The following PDE4D variants were observed in gnomAD, a reference collection of about 807,000 sequenced individuals.
PDE4D encodes the protein 3',5'-cyclic-AMP phosphodiesterase 4D.
PDE4D carries 24 observed loss-of-function variants against 87.4 expected under a neutral mutation model. That is an observed-to-expected ratio of 0.27 (90% CI 0.20 to 0.39). The LOEUF (loss-of-function observed/expected upper bound fraction) is 0.39. Ranked by LOEUF, PDE4D falls within the 10% of genes least tolerant of loss-of-function variation. The pLI is 1.00. For synonymous variants in PDE4D, 384 were observed against 383.2 expected (o/e 1.00, Z -0.02); for missense variants, 714 against 1,041.0 (o/e 0.69, Z 4.32).
intron 11 of PDE4D, among the ~76,000 whole-genome samples, chr5:58,985,374 C>A (rs926513952): frequency 6.6e-6 from 1 of 152,186 alleles, no homozygotes; most frequent in African/African-American, 2.4e-5. Context: ...GCTTGCAGAA[C>A]CTCCAGCATG....
In PDE4D at chr5:58,990,908, G is replaced by T; in HGVS notation, c.1189-6C>A. ...TTGTTCACATCTTCTAGTTCCTGGAGTGAAAAAAAAAAAAAGATACTAAAA... is the reference window on the plus strand; with the variant it reads ...TTGTTCACATCTTCTAGTTCCTGGATTGAAAAAAAAAAAAAGATACTAAAA... On this transcript the variant is annotated splice_polypyrimidine_tract_variant and splice_region_variant and intron_variant, in intron 8 of 14. Transcript: ENST00000340635. 12 of 1,361,736 alleles carry T rather than the reference G, an allele frequency of 8.8e-6. No individual in the cohort carries two copies. The highest frequency in any genetic ancestry group is 1.1e-5 in the Non-Finnish European group (11 of 985,456). 84.4% of individuals were successfully genotyped at this position (1,361,736 alleles called of 1,614,324 possible).
intron 2 of PDE4D, among the ~76,000 whole-genome samples, chr5:60,161,421 T>C (rs1022087155): frequency 6.6e-6 from 1 of 152,128 alleles, no homozygotes; most frequent in Non-Finnish European, 1.5e-5. Flanking sequence ...GTTTAGACTA[T>C]ATAAAAGGAA....
intron 6 of PDE4D, among the ~76,000 whole-genome samples, chr5:59,013,992 A>G (rs966087332): frequency 6.6e-6 from 1 of 152,226 alleles, no homozygotes; most frequent in African/African-American, 2.4e-5. Context: ...CTGCTTCAAC[A>G]TATGCAAATC....
At chr5:60,270,130 T>C (rs1218486179) in intron 1 of PDE4D, among the ~76,000 whole-genome samples, 1 of 152,166 alleles carries the variant, frequency 6.6e-6, no homozygotes, top group African/African-American at 2.4e-5. Flanking sequence ...AGAATGAGTA[T>C]ACCATGAACC....
chr5:60,398,230 G>A (rs919304785), intron 1 of PDE4D, among the ~76,000 whole-genome samples: 1 of 152,160 alleles, frequency 6.6e-6, no homozygotes, highest in Admixed American at 6.5e-5. Flanking sequence ...TATTGAAGAA[G>A]GCCATAGCTG....
chr5:59,925,158 G>A (rs992890508), intron 3 of PDE4D, among the ~76,000 whole-genome samples: 3 of 68,670 alleles, frequency 4.4e-5, no homozygotes, highest in African/African-American at 3.0e-4. Flanking sequence ...CTGGGCAACA[G>A]AGCGAGACTG....
At chr5:59,899,829 G>C (rs1752047528) in intron 3 of PDE4D, among the ~76,000 whole-genome samples, 1 of 152,164 alleles carries the variant, frequency 6.6e-6, no homozygotes, top group South Asian at 2.1e-4. Context: ...GATGAAGTCA[G>C]GTGAAAGCTG....
chr5:59,487,220 T>C (rs1805310977), intron 1 of PDE4D, among the ~76,000 whole-genome samples: 1 of 152,182 alleles, frequency 6.6e-6, no homozygotes. Context: ...ATGATGCTTT[T>C]TCAGGATAAG....
intron 2 of PDE4D, among the ~76,000 whole-genome samples, chr5:60,103,516 G>GAA (rs1776479427): frequency 1.3e-5 from 2 of 152,062 alleles, no homozygotes; most frequent in East Asian, 3.9e-4. Context: ...ATGTAGCCAG[G>GAA]CCCCAACATG....
At chr5:60,053,019 A>T (rs1770357469) in intron 2 of PDE4D, among the ~76,000 whole-genome samples, 1 of 152,226 alleles carries the variant, frequency 6.6e-6, no homozygotes, top group Non-Finnish European at 1.5e-5. Context: ...ACTACAAACC[A>T]CTGCTCAAGG....
Position 59,889,094 on chromosome 5 carries a change from G to A in PDE4D, c.455+4074C>T, listed in dbSNP as rs57153097. Among the ~76,000 whole-genome samples, 1,331 of 151,830 alleles carry A rather than the reference G, an allele frequency of 8.8e-3. 20 individuals are homozygous for A. The highest frequency in any genetic ancestry group is 0.03 in the African/African-American group (1,262 of 41,414). ...ATACAAAAAATTAGTCAGGCGTGGCGGCTCGTGCCCGTAGTCCCAGCTACT... is the reference window on the plus strand; with the variant it reads ...ATACAAAAAATTAGTCAGGCGTGGCAGCTCGTGCCCGTAGTCCCAGCTACT... On this transcript the variant is annotated intron_variant, in intron 1 of 14. Coordinates refer to ENST00000340635, the MANE Select transcript of PDE4D (RefSeq NM_001104631.2).
intron 1 of PDE4D, among the ~76,000 whole-genome samples, chr5:60,218,155 T>A (rs1421474366): frequency 1.3e-5 from 2 of 152,038 alleles, no homozygotes; most frequent in South Asian, 4.1e-4. Context: ...GAAATCTCCA[T>A]AGAGTATTAC....
chr5:59,618,977 T>C (rs10037874), intron 1 of PDE4D, among the ~76,000 whole-genome samples: 119,038 of 152,104 alleles, frequency 0.78, 47,534 homozygotes, highest in South Asian at 0.88. Context: ...AGAAATGAGT[T>C]TCTGTTCATT....
At chr5:59,055,699 G>A (rs1762233712) in intron 5 of PDE4D, among the ~76,000 whole-genome samples, 1 of 152,172 alleles carries the variant, frequency 6.6e-6, no homozygotes, top group African/African-American at 2.4e-5. Flanking sequence ...TCAGGGTGAT[G>A]AGTCCCAAAG....
At chr5:60,084,819 C>T (rs374929242) in intron 2 of PDE4D, among the ~76,000 whole-genome samples, 1 of 152,114 alleles carries the variant, frequency 6.6e-6, no homozygotes, top group East Asian at 1.9e-4. Context: ...CTACTTTGAA[C>T]TCCCCTAGCC....
chr5:59,043,622 T>A (rs1247313200), intron 5 of PDE4D, among the ~76,000 whole-genome samples: 1 of 152,160 alleles, frequency 6.6e-6, no homozygotes, highest in Non-Finnish European at 1.5e-5. Context: ...TAGTTTCATA[T>A]GTATACATGT....
At chr5:60,185,654 A>G (rs903829493) in exon 2 of PDE4D, 1 of 1,150,144 alleles carries the variant, frequency 8.7e-7, no homozygotes, top group Non-Finnish European at 1.3e-6. Context: ...CAATGATCTC[A>G]CTGCACGTAT....
intron 1 of PDE4D, among the ~76,000 whole-genome samples, chr5:59,749,116 GTCC>G (rs1760054183): frequency 6.6e-6 from 1 of 152,194 alleles, no homozygotes; most frequent in Non-Finnish European, 1.5e-5. Context: ...ACTCTAGTCA[GTCC>G]TGTATCATCA....
rs184018213 is a variant in PDE4D, at chr5:59,299,225, G to C, written c.456-83257C>G. On this transcript the variant is annotated intron_variant, in intron 1 of 14. Coordinates refer to ENST00000340635, the MANE Select transcript of PDE4D (RefSeq NM_001104631.2). ...CCTGAGCATAAATAACCTGGGAGTGGTGGATTGTTAATGACCCCCGGAAGC... is the reference window on the plus strand; with the variant it reads ...CCTGAGCATAAATAACCTGGGAGTGCTGGATTGTTAATGACCCCCGGAAGC... 2.0e-5 allele frequency among the ~76,000 whole-genome samples: 3 copies of C among 152,278 alleles called. No individual in the cohort carries two copies. In the East Asian group the frequency reaches 5.8e-4, roughly 29 times the overall value.
Sources: gnomAD v4.1 joint callset for allele counts (sites outside exome capture counted in the v4.1 genomes callset) on GRCh38, gnomAD v4.1.1 for gene constraint, MANE v1.5 for transcripts, NCBI Gene and HGNC (gene_info 2026-07-23, HGNC 2026-07-21) for gene names.